The following SNAP23 variants were observed in gnomAD, a reference collection of about 807,000 sequenced individuals.
The protein encoded by SNAP23 is synaptosomal-associated protein 23.
A neutral mutation model predicts 29.0 loss-of-function variants in SNAP23; 11 were observed. That is an observed-to-expected ratio of 0.38 (90% CI 0.24 to 0.63). SNAP23 has a LOEUF of 0.63. Among genes scored for constraint, SNAP23 ranks in the 20% least tolerant of loss-of-function variants. SNAP23 has a pLI of 0.58. For missense variants in SNAP23, 220 were observed against 253.9 expected (o/e 0.87, Z 0.91); for synonymous variants, 60 against 82.9 (o/e 0.72, Z 1.50).
intron 1 of SNAP23, among the ~76,000 whole-genome samples, chr15:42,503,689 G>A (rs760879343): frequency 2.0e-5 from 3 of 151,982 alleles, no homozygotes; most frequent in Non-Finnish European, 2.9e-5. Context: ...TTTTAGTAGA[G>A]ACGGGGTTTT....
intron 1 of SNAP23, among the ~76,000 whole-genome samples, chr15:42,500,168 T>G (rs999931292): frequency 3.4e-5 from 5 of 145,008 alleles, no homozygotes; most frequent in South Asian, 2.2e-4. Flanking sequence ...ATTCAGGCTT[T>G]CCCCCGCCCC....
intron 5 of SNAP23, among the ~76,000 whole-genome samples, chr15:42,522,716 T>TAA (rs10553237): frequency 1.9e-5 from 2 of 104,894 alleles, no homozygotes; most frequent in Non-Finnish European, 2.0e-5. Flanking sequence ...CAACCAAAAC[T>TAA]AAAAAAAAAA....
intron 5 of SNAP23, among the ~76,000 whole-genome samples, chr15:42,518,726 C>T (rs2057418592): frequency 6.6e-6 from 1 of 150,466 alleles, no homozygotes; most frequent in African/African-American, 2.5e-5. Flanking sequence ...GCTGGCCATT[C>T]AGAAATCTAA....
At chr15:42,516,531 A>G (rs995874621) in intron 5 of SNAP23, among the ~76,000 whole-genome samples, 12 of 151,866 alleles carry the variant, frequency 7.9e-5, no homozygotes, top group African/African-American at 2.7e-4. Context: ...GGGTTTCACT[A>G]TGTTGGCCAG....
chr15:42,516,361 C>T (rs1166302070), intron 5 of SNAP23, among the ~76,000 whole-genome samples: 1 of 151,890 alleles, frequency 6.6e-6, no homozygotes, highest in Non-Finnish European at 1.5e-5. Context: ...GACGGAGTCT[C>T]ACTCTGTTAC....
chr15:42,518,647 G>A (rs2057418037), intron 5 of SNAP23, among the ~76,000 whole-genome samples: 1 of 151,910 alleles, frequency 6.6e-6, no homozygotes, highest in Admixed American at 6.6e-5. Context: ...TTGAACCCTT[G>A]GGCTCAGGCA....
chr15:42,507,744 C>G (rs761435183), intron 1 of SNAP23, among the ~76,000 whole-genome samples: 8 of 152,178 alleles, frequency 5.3e-5, no homozygotes, highest in Non-Finnish European at 8.8e-5. Flanking sequence ...AGCAAACTTA[C>G]AAAGACCAAT....
chr15:42,510,820 T>C (rs1219848940), intron 1 of SNAP23, among the ~76,000 whole-genome samples: 1 of 152,134 alleles, frequency 6.6e-6, no homozygotes, highest in Non-Finnish European at 1.5e-5. Context: ...CTGAAGAGTG[T>C]TGTAGGATGT....
intron 1 of SNAP23, among the ~76,000 whole-genome samples, chr15:42,506,416 C>CT (rs1475857726): frequency 6.6e-6 from 1 of 152,070 alleles, no homozygotes; most frequent in Non-Finnish European, 1.5e-5. Context: ...TTTGTTGTTA[C>CT]TTTTTGTGGA....
intron 5 of SNAP23, chr15:42,521,548 ACTATTTTCTGCATTT>A (rs1438651343): frequency 6.6e-7 from 1 of 1,513,544 alleles, no homozygotes; most frequent in Non-Finnish European, 8.8e-7. Flanking sequence ...ACTGGCATTT[ACTATTTTCTGCATTT>A]CATTCTCTCA....
chr15:42,491,991 A>T (rs1235578118), upstream of SNAP23, among the ~76,000 whole-genome samples: 1 of 151,884 alleles, frequency 6.6e-6, no homozygotes, highest in African/African-American at 2.4e-5. Flanking sequence ...GTTCACTGCA[A>T]CCTCCACCTT....
intron 5 of SNAP23, among the ~76,000 whole-genome samples, chr15:42,525,596 G>C (rs996814947): frequency 6.7e-6 from 1 of 148,962 alleles, no homozygotes; most frequent in Non-Finnish European, 1.5e-5. Context: ...CCTGAGTTGC[G>C]GGGACTGCAT....
chr15:42,532,529 G>T lies in SNAP23; in HGVS notation c.*1051G>T, dbSNP rs1450583219. 6.6e-6 allele frequency: 1 copy of T among 152,478 alleles called. No homozygotes were observed. The highest frequency in any genetic ancestry group is 2.4e-5 in the African/African-American group (1 of 41,414). 9.4% of individuals were successfully genotyped at this position (152,478 alleles called of 1,614,324 possible). ...TATTTCATATTATTAGTAGTATCAT[G>T]GTTCCATTACAGGCCTATTAACATC... On this transcript the variant is annotated 3_prime_UTR_variant, in exon 8 of 8. Coordinates refer to ENST00000249647, the MANE Select transcript of SNAP23 (RefSeq NM_003825.4).
intron 5 of SNAP23, chr15:42,521,342 C>T (rs950986063): frequency 4.1e-6 from 2 of 489,048 alleles, no homozygotes; most frequent in Non-Finnish European, 5.3e-6. Context: ...TTTTTGCCTT[C>T]TCTCATATTG....
chr15:42,513,139 C>CACT (rs1567044868), intron 3 of SNAP23, 143 bp downstream of exon 3: 1 of 773,594 alleles, frequency 1.3e-6, no homozygotes, highest in South Asian at 1.5e-5. Context: ...TCAAACCATG[C>CACT]ACTAATGGGA....
intron 5 of SNAP23, among the ~76,000 whole-genome samples, chr15:42,520,701 A>G (rs922570789): frequency 2.4e-4 from 37 of 151,604 alleles, no homozygotes; most frequent in African/African-American, 3.1e-4. Context: ...TCACCGTGTT[A>G]GCCAGGATGG....
intron 4 of SNAP23, among the ~76,000 whole-genome samples, chr15:42,514,760 T>A (rs967895008): frequency 6.6e-6 from 1 of 150,388 alleles, no homozygotes; most frequent in African/African-American, 2.5e-5. Context: ...TGGAGTTCAG[T>A]GGTGCAATCG....
intron 1 of SNAP23, among the ~76,000 whole-genome samples, chr15:42,497,075 C>G (rs1171926256): frequency 6.7e-6 from 1 of 150,056 alleles, no homozygotes; most frequent in Non-Finnish European, 1.5e-5. Context: ...GAGTCTCACA[C>G]TCTGTCACCC....
At chr15:42,495,355 T>C (rs2141491667), upstream of SNAP23, 1 of 152,396 alleles carries the variant, frequency 6.6e-6, no homozygotes, top group East Asian at 1.9e-4. Context: ...TGAAAGGCGA[T>C]GAAGAGCAGG....
Sources: gnomAD v4.1 joint callset for allele counts (sites outside exome capture counted in the v4.1 genomes callset) on GRCh38, gnomAD v4.1.1 for gene constraint, MANE v1.5 for transcripts, NCBI Gene and HGNC (gene_info 2026-07-23, HGNC 2026-07-21) for gene names.